PIK3R6: variants seen among roughly 807,000 people sequenced by gnomAD.
PIK3R6 encodes the protein phosphoinositide 3-kinase regulatory subunit 6.
A neutral mutation model predicts 84.9 loss-of-function variants in PIK3R6; 91 were observed. That is an observed-to-expected ratio of 1.07 (90% CI 0.90 to 1.28). The LOEUF (loss-of-function observed/expected upper bound fraction) is 1.28, where lower values mean the gene tolerates loss of function less well. Among genes scored for constraint, PIK3R6 ranks in the 50% most tolerant of loss-of-function variants. The pLI, the probability that PIK3R6 is intolerant of heterozygous loss-of-function variation, is 0.00. For synonymous variants in PIK3R6, 416 were observed against 411.4 expected (o/e 1.01, Z -0.13); for missense variants, 996 against 985.1 (o/e 1.01, Z -0.15).
chr17:8,816,235 CAAGG>C (rs1009992549), intron 18 of PIK3R6, among the ~76,000 whole-genome samples: 11 of 152,120 alleles, frequency 7.2e-5, no homozygotes, highest in African/African-American at 2.7e-4. Context: ...AATAAAACCA[CAAGG>C]AAGGAACAGC....
At chr17:8,851,495 C>T (rs1567609515) in intron 1 of PIK3R6, among the ~76,000 whole-genome samples, 1 of 151,936 alleles carries the variant, frequency 6.6e-6, no homozygotes, top group Non-Finnish European at 1.5e-5. Flanking sequence ...AGACTCCGTC[C>T]CAAAACAAAA....
At chr17:8,836,475 G>T (rs914672097) in intron 7 of PIK3R6, 72 bp downstream of exon 7, 1 of 1,528,118 alleles carries the variant, frequency 6.5e-7, no homozygotes, top group Non-Finnish European at 9.1e-7. Context: ...TTGTCCTCCT[G>T]CCAGGGAGCA....
chr17:8,807,894 T>G (rs761665326), intron 18 of PIK3R6, among the ~76,000 whole-genome samples: 20 of 152,066 alleles, frequency 1.3e-4, no homozygotes, highest in Admixed American at 4.6e-4. Flanking sequence ...AGGAGATAGA[T>G]GAAGGTCAGA....
intron 9 of PIK3R6, among the ~76,000 whole-genome samples, chr17:8,831,354 A>AAAAG (rs2088234661): frequency 1.4e-5 from 2 of 145,962 alleles, no homozygotes; most frequent in Non-Finnish European, 3.0e-5. Context: ...AAAAAAAAAA[A>AAAAG]GGCACAGGGC....
chr17:8,803,036 T>C lies in PIK3R6; in HGVS notation c.*237A>G. 1.9e-6 allele frequency: 1 copy of C among 531,156 alleles called. No homozygotes were observed. Among genetic ancestry groups the C allele is most frequent in the South Asian group, 2.2e-5 (1 of 45,500 alleles). The allele number at this position is 531,156 out of a possible 1,614,324, so 32.9% of individuals were successfully genotyped here. On this transcript the variant is annotated 3_prime_UTR_variant, in exon 20 of 20. Coordinates refer to ENST00000619866, the MANE Select transcript of PIK3R6 (RefSeq NM_001010855.4). This position sits in a 1 kb window ranked among gnomAD's most constrained non-coding sequence, Gnocchi z 5.0. Reference sequence around the variant, plus strand: ...TAGACATTTGTATGAGAAGCTGGGCTTGGTGTGTATGTTCTCAAGCAGCGA... The same window carrying C: ...TAGACATTTGTATGAGAAGCTGGGCCTGGTGTGTATGTTCTCAAGCAGCGA...
chr17:8,826,983 G>T (rs950743498), intron 13 of PIK3R6, among the ~76,000 whole-genome samples, 189 bp downstream of exon 13: 6 of 152,090 alleles, frequency 3.9e-5, no homozygotes, highest in African/African-American at 1.4e-4. Context: ...TAGGGCCCCT[G>T]TCTTGAATTC....
At chr17:8,821,778 G>GCCCTCTC in intron 17 of PIK3R6, 68 bp downstream of exon 17, 5 of 1,466,374 alleles carry the variant, frequency 3.4e-6, no homozygotes, top group Non-Finnish European at 3.7e-6. Context: ...CTGCCACTCT[G>GCCCTCTC]CCCTCTCCCC....
Position 8,843,768 on chromosome 17 carries a change from A to G in PIK3R6, c.14-4071T>C, listed in dbSNP as rs79532288. On this transcript the variant is annotated intron_variant, in intron 2 of 19. Transcript: ENST00000619866. ...CGAACCTGGATTCTTCTCACATGTG[A>G]CAATCATAGGGGGTGGGGAGCAATT... Among the ~76,000 whole-genome samples, 204 of 152,182 alleles carry G rather than the reference A, an allele frequency of 1.3e-3. 1 individual carries two copies. The East Asian group carries it at 0.029, about 21-fold the overall frequency.
chr17:8,803,538 G>C lies in PIK3R6; in HGVS notation c.2109-109C>G. 1.8e-6 allele frequency: 2 copies of C among 1,115,952 alleles called. No homozygotes were observed. The highest frequency in any genetic ancestry group is 2.5e-6 in the Non-Finnish European group (2 of 797,384). The allele number at this position is 1,115,952 out of a possible 1,614,324, so 69.1% of individuals were successfully genotyped here. ...TAGGGCCTAGAGCTGTTATTGTAGGGCATAGAGGAGGCGGCTACACAGAAG... is the reference window on the plus strand; with the variant it reads ...TAGGGCCTAGAGCTGTTATTGTAGGCCATAGAGGAGGCGGCTACACAGAAG... On this transcript the variant is annotated intron_variant, in intron 19 of 19. Transcript: ENST00000619866. The surrounding 1 kb of genome is among the most constrained non-coding windows in gnomAD (Gnocchi z 5.0).
chr17:8,823,277 C>A (rs937665001), intron 14 of PIK3R6, 110 bp downstream of exon 14: 4 of 858,792 alleles, frequency 4.7e-6, no homozygotes, highest in Admixed American at 2.3e-5. Context: ...TAACCAAGAG[C>A]GTCTGGGTGT....
intron 18 of PIK3R6, among the ~76,000 whole-genome samples, chr17:8,813,915 A>C (rs9894196): frequency 0.055 from 8,328 of 152,222 alleles, 678 homozygotes; most frequent in African/African-American, 0.17. Flanking sequence ...AGCAGTCAGA[A>C]AAGAGAAAGA....
chr17:8,821,964 G>A (rs754800945), intron 16 of PIK3R6, 28 bp from the exon 17 acceptor site: 1 of 1,531,210 alleles, frequency 6.5e-7, no homozygotes, highest in East Asian at 2.4e-5. Flanking sequence ...GGAACAGGTG[G>A]AGGTGCTCAG....
chr17:8,836,690 G>A (rs1250560734), intron 6 of PIK3R6, 74 bp from the exon 7 acceptor site: 1 of 1,612,838 alleles, frequency 6.2e-7, no homozygotes. Context: ...TACAGAAGGT[G>A]TGGAGGCTTT....
At chr17:8,852,276 T>A (rs1194894869) in intron 1 of PIK3R6, among the ~76,000 whole-genome samples, 3 of 152,252 alleles carry the variant, frequency 2.0e-5, no homozygotes, top group African/African-American at 7.2e-5. Context: ...GTTAAGATGG[T>A]AAATTTTACA....
At chr17:8,831,812 G>A (rs139849323) in intron 9 of PIK3R6, among the ~76,000 whole-genome samples, 51 of 152,292 alleles carry the variant, frequency 3.3e-4, no homozygotes, top group Admixed American at 1.1e-3. Flanking sequence ...GAATGACCAC[G>A]AAATAGGACC....
At chr17:8,847,813 A>C (rs1465611403) in intron 2 of PIK3R6, among the ~76,000 whole-genome samples, 1 of 152,076 alleles carries the variant, frequency 6.6e-6, no homozygotes, top group East Asian at 1.9e-4. Context: ...AAAAAAAAAA[A>C]AAATCATAAT....
intron 18 of PIK3R6, among the ~76,000 whole-genome samples, chr17:8,815,889 T>G (rs1226621559): frequency 6.6e-6 from 1 of 152,218 alleles, no homozygotes; most frequent in Non-Finnish European, 1.5e-5. Context: ...CATCCAGATG[T>G]GAATTTGGGG....
At chr17:8,865,255 C>T (rs1285271923) in intron 1 of PIK3R6, among the ~76,000 whole-genome samples, 1 of 152,172 alleles carries the variant, frequency 6.6e-6, no homozygotes, top group East Asian at 1.9e-4. Flanking sequence ...CTTGTGCCCC[C>T]ATCCCCCCAG....
At chr17:8,822,724 C>T (rs1439424080) in intron 15 of PIK3R6, 67 bp from the exon 16 acceptor site, 4 of 1,501,790 alleles carry the variant, frequency 2.7e-6, no homozygotes, top group Non-Finnish European at 3.7e-6. Flanking sequence ...TTCCCCACCT[C>T]TCTGAGGGCA....
Sources: gnomAD v4.1 joint callset for allele counts (sites outside exome capture counted in the v4.1 genomes callset) on GRCh38, gnomAD v4.1.1 for gene constraint, Gnocchi (gnomAD v3.1) non-coding constraint, MANE v1.5 for transcripts, NCBI Gene and HGNC (gene_info 2026-07-23, HGNC 2026-07-21) for gene names.